PTPN13: variants seen among roughly 807,000 people sequenced by gnomAD.
PTPN13 encodes the protein tyrosine-protein phosphatase non-receptor type 13.
Under a neutral mutation model 284.0 loss-of-function variants are expected in PTPN13, and 191 were observed. The observed-to-expected ratio is 0.67, with a 90% confidence interval of 0.60 to 0.76. The LOEUF (loss-of-function observed/expected upper bound fraction) is 0.76. Ranked by LOEUF, PTPN13 falls within the 30% of genes least tolerant of loss-of-function variation. PTPN13 has a pLI of 0.00. For missense variants in PTPN13, 2,797 were observed against 2,939.9 expected, an observed-to-expected ratio of 0.95 and a Z score of 1.12; for synonymous variants, 986 against 1,022.3, an observed-to-expected ratio of 0.96 and a Z score of 0.68.
chr4:86,663,891 G>A (rs1041564412), intron 2 of PTPN13, among the ~76,000 whole-genome samples: 6 of 152,056 alleles, frequency 3.9e-5, no homozygotes, highest in Admixed American at 3.3e-4. Flanking sequence ...CAAACAAAAA[G>A]CATCAGGAAA....
At chr4:86,633,728 C>A (rs2148715247) in intron 1 of PTPN13, among the ~76,000 whole-genome samples, 1 of 152,294 alleles carries the variant, frequency 6.6e-6, no homozygotes, top group East Asian at 1.9e-4. Context: ...TCTGTTGAAA[C>A]TTCCAATTTA....
intron 9 of PTPN13, among the ~76,000 whole-genome samples, chr4:86,718,138 G>A (rs1733235981): frequency 6.6e-6 from 1 of 152,158 alleles, no homozygotes; most frequent in East Asian, 1.9e-4. Context: ...TGTAGTTAAT[G>A]CTAAGCATTA....
intron 3 of PTPN13, among the ~76,000 whole-genome samples, chr4:86,674,208 G>T (rs528046904): frequency 6.6e-6 from 1 of 152,242 alleles, no homozygotes; most frequent in African/African-American, 2.4e-5. Context: ...CAGACATTAG[G>T]TAATTGTGTT....
rs1451305482 is a variant in PTPN13 at position 86,635,323 on chromosome 4, G to A, written c.67G>A (p.Ala23Thr). Residue 23 changes from alanine to threonine, a missense_variant, in exon 2 of 48, where the codon GCT (alanine) becomes ACT (threonine). Coordinates refer to ENST00000411767, the MANE Select transcript of PTPN13 (RefSeq NM_080683.3). ...ACCACTTCAGGAGGAAGAAATATGG[G>A]CTGTATTAAATCAAAGTGCTGAAAG... ...GGPLQEEEIW[A>T]VLNQSAESLQ... The A allele has an allele frequency of 2.5e-6, 4 of 1,607,462 alleles. No homozygotes were observed. The highest frequency in any genetic ancestry group is 3.4e-6 in the Non-Finnish European group (4 of 1,177,218).
intron 2 of PTPN13, among the ~76,000 whole-genome samples, chr4:86,658,107 G>A (rs1726066558): frequency 6.6e-6 from 1 of 152,232 alleles, no homozygotes; most frequent in African/African-American, 2.4e-5. Context: ...AAGCCCCACT[G>A]GCCTGAAACT....
At chr4:86,804,373 A>T (rs1329569121) in intron 43 of PTPN13, among the ~76,000 whole-genome samples, 1 of 152,180 alleles carries the variant, frequency 6.6e-6, no homozygotes, top group African/African-American at 2.4e-5. Flanking sequence ...CCATCTGCTT[A>T]TTTGCCTACT....
rs1485521176 is a variant in PTPN13 at position 86,701,551 on chromosome 4, A to G, written c.945A>G (p.Ser315=). ...LLCTADRDFS[S]GETATYRRCH... ...GTACAGCTGACAGAGACTTCTCTTC[A>G]GGAGAGACTGCCACATATCGTCGTT... is the stretch of plus-strand genomic sequence containing the variant. The change falls in exon 7 of 48, where the codon TCA becomes TCG. Residue 315 remains serine (S), a synonymous_variant. Coordinates refer to ENST00000411767, the MANE Select transcript of PTPN13 (RefSeq NM_080683.3). The G allele has an allele frequency of 1.2e-6, 2 of 1,613,944 alleles. No individual in the cohort carries two copies. Among genetic ancestry groups the G allele is most frequent in the East Asian group, 4.5e-5 (2 of 44,882 alleles).
intron 1 of PTPN13, among the ~76,000 whole-genome samples, chr4:86,629,880 T>G (rs1025178241): frequency 6.6e-6 from 1 of 151,942 alleles, no homozygotes; most frequent in Admixed American, 6.6e-5. Context: ...TCTCAACCTC[T>G]CAGGTAGCTG....
In PTPN13 at chr4:86,686,714, A is replaced by G; in HGVS notation, c.299A>G (p.His100Arg). Residue 100 changes from histidine to arginine, a missense_variant, in exon 4 of 48, where the codon CAC (histidine) becomes CGC (arginine). Coordinates refer to ENST00000411767, the MANE Select transcript of PTPN13 (RefSeq NM_080683.3). Reference sequence around the variant, plus strand: ...TCTTAAAAATTCTATTCCTAGATCCACATTTATTCTCTTGGAATGACACTG... The same window carrying G: ...TCTTAAAAATTCTATTCCTAGATCCGCATTTATTCTCTTGGAATGACACTG... ...LTSLSDVEKI[H>R]IYSLGMTLYW... is the part of the protein sequence containing the mutation. 2 of 1,556,196 alleles carry G rather than the reference A, an allele frequency of 1.3e-6. No individual in the cohort carries two copies. Among genetic ancestry groups the G allele is most frequent in the Non-Finnish European group, 1.7e-6 (2 of 1,146,570 alleles).
rs1422614714 is a variant in PTPN13 at position 86,758,384 on chromosome 4, T to G, written c.3313+35T>G. 3 of 1,507,576 alleles carry G rather than the reference T, an allele frequency of 2.0e-6. No individual in the cohort carries two copies. In the East Asian group the frequency reaches 6.9e-5, roughly 34 times the overall value. The allele number at this position is 1,507,576 out of a possible 1,614,324, so 93.4% of individuals were successfully genotyped here. On this transcript the variant is annotated intron_variant, in intron 21 of 47. Coordinates refer to ENST00000411767, the MANE Select transcript of PTPN13 (RefSeq NM_080683.3). ...CGTGAGATTCTTGAAGGTCTATGATTGTTGGGGATTCAGAGGAAAAGTCTA... is the reference window on the plus strand; with the variant it reads ...CGTGAGATTCTTGAAGGTCTATGATGGTTGGGGATTCAGAGGAAAAGTCTA...
At chr4:86,784,881 T>C (rs571879009) in intron 38 of PTPN13, among the ~76,000 whole-genome samples, 1 of 152,258 alleles carries the variant, frequency 6.6e-6, no homozygotes, top group South Asian at 2.1e-4. Context: ...ATTATATCCT[T>C]AATCATTGTA....
At chr4:86,752,943 G>T in intron 19 of PTPN13, 66 bp from the exon 20 acceptor site, 1 of 1,190,572 alleles carries the variant, frequency 8.4e-7, no homozygotes, top group South Asian at 1.5e-5. Flanking sequence ...CTTATCAGAA[G>T]AAATCACTTC....
At chr4:86,699,531 G>C (rs894688738) in intron 6 of PTPN13, among the ~76,000 whole-genome samples, 7 of 152,164 alleles carry the variant, frequency 4.6e-5, no homozygotes, top group African/African-American at 1.7e-4. Flanking sequence ...AAAATGTGGA[G>C]AATGAGGAAA....
chr4:86,765,613 A>C, intron 26 of PTPN13, 125 bp downstream of exon 26: 1 of 644,952 alleles, frequency 1.6e-6, no homozygotes. Context: ...CAATTATAAA[A>C]CTGTAGCATT....
chr4:86,802,526 G>A (rs1744149390), intron 42 of PTPN13, among the ~76,000 whole-genome samples: 2 of 152,064 alleles, frequency 1.3e-5, no homozygotes. Flanking sequence ...ATAAATAAAT[G>A]AGAGCCAAGA....
chr4:86,635,912 A>G (rs558798766), intron 2 of PTPN13, among the ~76,000 whole-genome samples: 1 of 152,248 alleles, frequency 6.6e-6, no homozygotes, highest in South Asian at 2.1e-4. Context: ...GCAGTGAGCC[A>G]AGATTATGCC....
intron 2 of PTPN13, among the ~76,000 whole-genome samples, chr4:86,655,209 T>G (rs1655109127): frequency 6.6e-6 from 1 of 152,220 alleles, no homozygotes; most frequent in Non-Finnish European, 1.5e-5. Flanking sequence ...TGCCAGTCTG[T>G]GTCTTTTAAT....
intron 32 of PTPN13, 85 bp downstream of exon 32, chr4:86,773,043 C>T: frequency 9.7e-7 from 1 of 1,034,560 alleles, no homozygotes; most frequent in Middle Eastern, 2.9e-4. Context: ...AGGGAAAAAG[C>T]TATCTTTAAA....
At chr4:86,799,715 T>C (rs1438745597) in intron 42 of PTPN13, among the ~76,000 whole-genome samples, 2 of 152,040 alleles carry the variant, frequency 1.3e-5, no homozygotes, top group African/African-American at 4.8e-5. Context: ...ACAGTTATAT[T>C]CTAAAATTCT....
Sources: gnomAD v4.1 joint callset for allele counts (sites outside exome capture counted in the v4.1 genomes callset) on GRCh38, gnomAD v4.1.1 for gene constraint, MANE v1.5 for transcripts, NCBI Gene and HGNC (gene_info 2026-07-23, HGNC 2026-07-21) for gene names.